PRKN: variants seen among roughly 807,000 people sequenced by gnomAD.
PRKN encodes E3 ubiquitin-protein ligase parkin.
In PRKN, 56 loss-of-function variants were observed where a neutral mutation model predicts 59.5. That is an observed-to-expected ratio of 0.94 (90% CI 0.76 to 1.18). The LOEUF is 1.18. PRKN is among the 50% of genes most tolerant of loss of function. The pLI is 0.00. For missense variants in PRKN, 657 were observed against 596.4 expected, an observed-to-expected ratio of 1.10 and a Z score of -1.06; for synonymous variants, 250 against 222.1, an observed-to-expected ratio of 1.13 and a Z score of -1.12.
At chr6:161,986,502 T>C (rs1781441522) in intron 5 of PRKN, among the ~76,000 whole-genome samples, 1 of 152,054 alleles carries the variant, frequency 6.6e-6, no homozygotes. Flanking sequence ...TTTTTTTTTT[T>C]TTTTTTAAGA....
At chr6:162,132,232 T>G (rs1196545059) in intron 4 of PRKN, among the ~76,000 whole-genome samples, 1 of 152,124 alleles carries the variant, frequency 6.6e-6, no homozygotes. Context: ...CAGATTGGTG[T>G]TGGATTGCAG....
intron 1 of PRKN, among the ~76,000 whole-genome samples, chr6:162,458,526 T>C (rs1791013794): frequency 6.6e-6 from 1 of 151,836 alleles, no homozygotes; most frequent in Non-Finnish European, 1.5e-5. Context: ...AAGGAAAAGA[T>C]AGTACTATAT....
intron 7 of PRKN, among the ~76,000 whole-genome samples, chr6:161,779,435 C>CTTTTTTTTTTTTTTTTTTT (rs1583153971): frequency 1.2e-4 from 5 of 40,428 alleles, no homozygotes; most frequent in Non-Finnish European, 2.0e-4. Flanking sequence ...TTTTTCTTTT[C>CTTTTTTTTTTTTTTTTTTT]TTTTCTTTTT....
intron 7 of PRKN, among the ~76,000 whole-genome samples, chr6:161,777,904 ATATGTG>A (rs1790026131): frequency 8.1e-6 from 1 of 123,662 alleles, no homozygotes; most frequent in Admixed American, 8.0e-5. Context: ...GTATACATAT[ATATGTG>A]TATATATATG....
chr6:161,874,232 TA>T (rs1794524622), intron 6 of PRKN, among the ~76,000 whole-genome samples: 1 of 24,712 alleles, frequency 4.0e-5, no homozygotes, highest in Non-Finnish European at 7.2e-5. Context: ...ATATTATATA[TA>T]ATATATAATA....
intron 9 of PRKN, among the ~76,000 whole-genome samples, chr6:161,474,344 T>C (rs924340187): frequency 1.7e-4 from 26 of 152,314 alleles, no homozygotes; most frequent in African/African-American, 6.0e-4. Flanking sequence ...AGACCAAGCC[T>C]CTTGTTTCCT....
intron 6 of PRKN, among the ~76,000 whole-genome samples, chr6:161,888,403 A>G (rs957346483): frequency 6.6e-6 from 1 of 152,106 alleles, no homozygotes; most frequent in Non-Finnish European, 1.5e-5. Flanking sequence ...CTCACAACAC[A>G]TTCATTCATC....
At chr6:161,939,612 A>G (rs1390919348) in intron 6 of PRKN, among the ~76,000 whole-genome samples, 1 of 150,996 alleles carries the variant, frequency 6.6e-6, no homozygotes, top group Non-Finnish European at 1.5e-5. Context: ...GGTTCCTGTA[A>G]TCCCAGCTAC....
intron 4 of PRKN, among the ~76,000 whole-genome samples, chr6:162,120,936 T>A (rs1780887096): frequency 6.6e-6 from 1 of 152,228 alleles, no homozygotes; most frequent in African/African-American, 2.4e-5. Context: ...ATAAATTTAC[T>A]TAGCTTGTGA....
intron 7 of PRKN, among the ~76,000 whole-genome samples, chr6:161,750,118 T>TATATATACACAC (rs1269147499): frequency 2.2e-5 from 3 of 137,830 alleles, no homozygotes; most frequent in South Asian, 2.5e-4. Flanking sequence ...TATATATATA[T>TATATATACACAC]ACACACACAC....
In PRKN at chr6:162,718,870, T is replaced by C. The variant is rs766172927; in HGVS notation, c.7+8792A>G. Among the ~76,000 whole-genome samples, 139 of 152,168 alleles carry C rather than the reference T, an allele frequency of 9.1e-4. 1 individual carries two copies. Among genetic ancestry groups the C allele is most frequent in the Non-Finnish European group, 1.5e-3 (103 of 68,032 alleles). On this transcript the variant is annotated intron_variant, in intron 1 of 11. Transcript: ENST00000366898. ...AGAATAAGATTATTTGGTGACTTCT[T>C]TGAAATCAAGATGATATAAAAGTCA...
At chr6:161,990,716 A>T (rs1781613680) in intron 5 of PRKN, among the ~76,000 whole-genome samples, 1 of 152,116 alleles carries the variant, frequency 6.6e-6, no homozygotes, top group African/African-American at 2.4e-5. Flanking sequence ...AAAAATTTTA[A>T]AAAATTATTA....
At chr6:162,005,505 A>G (rs756370050) in intron 5 of PRKN, among the ~76,000 whole-genome samples, 3 of 150,214 alleles carry the variant, frequency 2.0e-5, no homozygotes, top group Non-Finnish European at 4.4e-5. Context: ...ACTCTTGCAC[A>G]TGCTTGCTCT....
Position 162,367,745 on chromosome 6 carries a change from A to G in PRKN, c.171+75565T>C, listed in dbSNP as rs114444954. ...GTGCACTGAATATAAGAAATCTGTTACAAAATGTTAGCAGAGCAGAAAGAG... is the reference window on the plus strand; with the variant it reads ...GTGCACTGAATATAAGAAATCTGTTGCAAAATGTTAGCAGAGCAGAAAGAG... On this transcript the variant is annotated intron_variant, in intron 2 of 11. Transcript: ENST00000366898. Among the ~76,000 whole-genome samples, 556 of 152,300 alleles carry G rather than the reference A, an allele frequency of 3.7e-3. 5 individuals are homozygous for G. The highest frequency in any genetic ancestry group is 0.012 in the African/African-American group (510 of 41,558).
intron 6 of PRKN, among the ~76,000 whole-genome samples, chr6:161,872,893 G>T (rs1285942821): frequency 1.3e-5 from 2 of 151,508 alleles, no homozygotes; most frequent in African/African-American, 4.9e-5. Context: ...TCTCCTGAGG[G>T]TTAACCAGAA....
intron 6 of PRKN, among the ~76,000 whole-genome samples, chr6:161,901,228 G>A (rs1295332513): frequency 2.6e-5 from 4 of 151,998 alleles, no homozygotes; most frequent in African/African-American, 9.7e-5. Context: ...GAGCCACCGC[G>A]TCCAGCCAAT....
At chr6:161,616,749 T>C (rs1782712968) in intron 7 of PRKN, among the ~76,000 whole-genome samples, 2 of 152,194 alleles carry the variant, frequency 1.3e-5, no homozygotes, top group African/African-American at 2.4e-5. Context: ...ACTCACCCCC[T>C]TAAGGCTGCA....
chr6:161,788,042 C>G (rs1040802854), intron 6 of PRKN, among the ~76,000 whole-genome samples: 1 of 152,208 alleles, frequency 6.6e-6, no homozygotes, highest in Non-Finnish European at 1.5e-5. Context: ...GCCACAGTGG[C>G]CCAGAAAGCC....
In PRKN at chr6:162,381,022, C is replaced by T. The variant is rs140022145; in HGVS notation, c.171+62288G>A. 1.6e-3 allele frequency among the ~76,000 whole-genome samples: 238 copies of T among 152,216 alleles called. 1 individual carries two copies. Among genetic ancestry groups the T allele is most frequent in the Non-Finnish European group, 3.0e-3 (203 of 68,008 alleles). The stretch of plus-strand genomic sequence containing the variant: ...TCAGCCAGACTTAGAGCAGGATCCG[C>T]AGGCGAACCGTTCTTCCTCTTCCAG... On this transcript the variant is annotated intron_variant, in intron 2 of 11. Coordinates refer to ENST00000366898, the MANE Select transcript of PRKN (RefSeq NM_004562.3).
Sources: allele counts gnomAD v4.1 joint callset (sites outside exome capture counted in the v4.1 genomes callset), GRCh38; gene constraint gnomAD v4.1.1; transcripts MANE v1.5; gene names NCBI Gene and HGNC (gene_info 2026-07-23, HGNC 2026-07-21).